The following DMD variants were observed in gnomAD, a reference collection of about 807,000 sequenced individuals.
The protein encoded by DMD is dystrophin.
Under a neutral mutation model 330.1 loss-of-function variants are expected in DMD, and 63 were observed. The observed-to-expected ratio is 0.19, with a 90% CI of 0.16 to 0.24. The LOEUF is 0.24. Ranked by LOEUF, DMD falls within the 10% of genes least tolerant of loss-of-function variation. The pLI is 1.00. For synonymous variants in DMD, 1,223 were observed against 959.8 expected (o/e 1.27, Z -5.07); for missense variants, 3,344 against 2,684.1 (o/e 1.25, Z -5.43).
At chrX:32,383,633 C>A (rs1235327196) in intron 33 of DMD, among the ~76,000 whole-genome samples, 1 of 110,410 alleles carries the variant, frequency 9.1e-6, no homozygotes, top group African/African-American at 3.3e-5. Context: ...TTGCTGTATT[C>A]TGTGATACTA....
At position 32,573,747 on chromosome X, in the gene DMD, G is replaced by T; in HGVS notation, c.1702C>A (p.Gln568Lys). 1 of 1,210,021 alleles carries T rather than the reference G, an allele frequency of 8.3e-7. No homozygotes were observed. Among genetic ancestry groups the T allele is most frequent in the Non-Finnish European group, 1.1e-6 (1 of 894,119 alleles). Residue 568 changes from glutamine to lysine, a missense_variant and splice_region_variant, in exon 14 of 79, where the codon CAG becomes AAG. Transcript: ENST00000357033. The part of the protein sequence containing the change: ...LLKWQRLTEE[Q>K]CLFSAWLSEK... Reference sequence around the variant, plus strand: ...CTAGTTTCTCACACATGACACACCTGTTCTTCAGTAAGACGTTGCCATTTG... The same window carrying T: ...CTAGTTTCTCACACATGACACACCTTTTCTTCAGTAAGACGTTGCCATTTG...
intron 9 of DMD, among the ~76,000 whole-genome samples, chrX:32,652,916 T>G (rs991970199): frequency 1.8e-5 from 2 of 112,415 alleles, no homozygotes; most frequent in African/African-American, 3.2e-5. Context: ...TGGCCAGTGA[T>G]GATGAGCATT....
chrX:33,264,279 T>G (rs1169605690), intron 1 of DMD, among the ~76,000 whole-genome samples: 3 of 110,751 alleles, frequency 2.7e-5, no homozygotes, highest in Non-Finnish European at 5.7e-5. Flanking sequence ...TGAAAGGAAA[T>G]AAAACTTCAT....
intron 52 of DMD, among the ~76,000 whole-genome samples, chrX:31,694,617 C>CATATATATATAT (rs34933227): frequency 3.4e-3 from 196 of 58,084 alleles, no homozygotes; most frequent in Admixed American, 0.011. Context: ...TGACAAACAG[C>CATATATATATAT]ATATATATAT....
intron 2 of DMD, among the ~76,000 whole-genome samples, chrX:32,866,585 A>C (rs1033130183): frequency 2.7e-5 from 3 of 111,705 alleles, no homozygotes; most frequent in African/African-American, 9.7e-5. Context: ...ATTAGAAAAG[A>C]ACACAGTCAT....
chrX:33,124,026 G>C (rs1408896184), intron 1 of DMD, among the ~76,000 whole-genome samples: 3 of 108,724 alleles, frequency 2.8e-5, no homozygotes, highest in African/African-American at 1.0e-4. Flanking sequence ...AATTAGCTGG[G>C]CGTAGTGGCG....
At chrX:32,026,550 C>A (rs1420930976) in intron 44 of DMD, among the ~76,000 whole-genome samples, 1 of 112,170 alleles carries the variant, frequency 8.9e-6, no homozygotes, top group East Asian at 2.8e-4. Context: ...AGTTCAGCTG[C>A]CTGAGATTTA....
intron 63 of DMD, among the ~76,000 whole-genome samples, chrX:31,236,404 T>G (rs1401225602): frequency 1.8e-5 from 2 of 112,537 alleles, no homozygotes; most frequent in African/African-American, 6.5e-5. Flanking sequence ...ATAGGGAGCA[T>G]CGTCCACCCC....
chrX:32,336,930 C>T (rs1442078996), intron 41 of DMD, among the ~76,000 whole-genome samples: 1 of 111,314 alleles, frequency 9.0e-6, no homozygotes, highest in Non-Finnish European at 1.9e-5. Flanking sequence ...TAGGAAGGGG[C>T]TACATCATAT....
At chrX:32,757,602 T>A (rs767440171) in intron 7 of DMD, among the ~76,000 whole-genome samples, 5 of 110,533 alleles carry the variant, frequency 4.5e-5, no homozygotes, top group African/African-American at 1.6e-4. Context: ...GATCTGATGG[T>A]TTTATACAAG....
intron 1 of DMD, among the ~76,000 whole-genome samples, chrX:33,209,263 T>C (rs1199401302): frequency 1.8e-5 from 2 of 111,646 alleles, no homozygotes; most frequent in African/African-American, 3.2e-5. Flanking sequence ...AGCTTTGTAT[T>C]AACAGTATAT....
chrX:31,746,209 C>T (rs1603458671), intron 51 of DMD, among the ~76,000 whole-genome samples: 1 of 112,008 alleles, frequency 8.9e-6, no homozygotes, highest in East Asian at 2.8e-4. Context: ...TAAACTGAGG[C>T]AAAGCAAGAG....
At chrX:32,480,120 G>A (rs951135344) in intron 21 of DMD, among the ~76,000 whole-genome samples, 16 of 111,264 alleles carry the variant, frequency 1.4e-4, no homozygotes, top group Admixed American at 8.6e-4. Context: ...GACATTTCTC[G>A]CAATAAGAGG....
chrX:31,232,773 G>A (rs2047340489), intron 63 of DMD, among the ~76,000 whole-genome samples: 1 of 111,845 alleles, frequency 8.9e-6, no homozygotes, highest in Non-Finnish European at 1.9e-5. Context: ...CAGGGCGCAT[G>A]AGGAGCAGTG....
chrX:31,147,627 T>G, intron 74 of DMD, 109 bp from the exon 75 acceptor site: 2 of 551,823 alleles, frequency 3.6e-6, no homozygotes, highest in Non-Finnish European at 5.8e-6. Context: ...GGTAGATAGA[T>G]GCATCTGACT....
intron 55 of DMD, among the ~76,000 whole-genome samples, chrX:31,587,258 T>A (rs2076654056): frequency 1.8e-5 from 2 of 111,647 alleles, no homozygotes; most frequent in Admixed American, 9.5e-5. Context: ...AAGAGACCTA[T>A]TGTACAACAT....
intron 15 of DMD, among the ~76,000 whole-genome samples, chrX:32,572,788 G>T (rs1030097981): frequency 1.8e-5 from 2 of 110,767 alleles, no homozygotes; most frequent in African/African-American, 6.6e-5. Context: ...TTGGAGGTAG[G>T]GCCTGGTGGG....
chrX:31,926,724 T>C (rs745788830), intron 47 of DMD, among the ~76,000 whole-genome samples: 1 of 108,815 alleles, frequency 9.2e-6, no homozygotes, highest in East Asian at 2.8e-4. Context: ...GAGTAAGGGG[T>C]CAGTTGGCTC....
chrX:32,462,421 T>C (rs1462998648), intron 25 of DMD, among the ~76,000 whole-genome samples: 2 of 112,035 alleles, frequency 1.8e-5, no homozygotes, highest in Non-Finnish European at 3.8e-5. Context: ...ATTGGTGAAC[T>C]TAAAAGTATT....
Sources: allele counts gnomAD v4.1 joint callset (sites outside exome capture counted in the v4.1 genomes callset), GRCh38; gene constraint gnomAD v4.1.1; transcripts MANE v1.5; gene names NCBI Gene and HGNC (gene_info 2026-07-23, HGNC 2026-07-21).